The following CEP295 variants were observed in gnomAD, a reference collection of about 807,000 sequenced individuals.
CEP295 encodes the protein centrosomal protein of 295 kDa.
A neutral mutation model predicts 291.6 loss-of-function variants in CEP295; 190 were observed. The observed-to-expected ratio is 0.65, with a 90% CI of 0.58 to 0.73. CEP295 has a LOEUF of 0.73. Ranked by LOEUF, CEP295 falls within the 30% of genes least tolerant of loss-of-function variation. The pLI is 0.00. For synonymous variants in CEP295, 993 were observed against 1,038.8 expected (o/e 0.96, Z 0.85); for missense variants, 2,863 against 2,949.4 (o/e 0.97, Z 0.68).
Position 93,729,771 on chromosome 11 carries a change from A to G in CEP295, c.7557A>G (p.Lys2519=). The G allele has an allele frequency of 6.5e-7, 1 of 1,545,522 alleles. No individual in the cohort carries two copies. The highest frequency in any genetic ancestry group is 8.7e-7 in the Non-Finnish European group (1 of 1,143,826). Residue 2519 remains lysine (K), a synonymous_variant, in exon 27 of 30, where the codon AAA becomes AAG. Transcript: ENST00000325212. The part of the protein sequence containing the change: ...ENSQIKTVKE[K]PSISSSVSRL... The stretch of plus-strand genomic sequence containing the variant: ...CTCAAATCAAAACAGTTAAAGAGAA[A>G]CCATCTATAAGTATGTTGAATTTTT...
In CEP295 at chr11:93,667,707, A is replaced by G. The variant is rs566479150; in HGVS notation, c.209A>G (p.Glu70Gly). 602 of 1,551,512 alleles carry G rather than the reference A, an allele frequency of 3.9e-4. 8 individuals carry two copies. In the South Asian group the frequency reaches 6.7e-3, roughly 17 times the overall value. The stretch of plus-strand genomic sequence containing the variant: ...CGTTTGGCAGAGGAGCTAAGGGCAG[A>G]ATGGGAAGAATCACAAACTCAGAAA... Reference protein sequence around the residue: ...FTRLAEELRAEWEESQTQKIQ... With the variant: ...FTRLAEELRAGWEESQTQKIQ... Residue 70 changes from glutamate to glycine, a missense_variant, in exon 3 of 30, where the codon GAA becomes GGA. Physicochemically the swap from Glu to Gly is moderately conservative, Grantham distance 98. Around this residue, in one of 3 missense-constraint regions of CEP295, gnomAD observed 554 missense variants for 576.0 expected, o/e 0.96. Transcript: ENST00000325212.
chr11:93,726,371 T>C (rs1273838347), intron 23 of CEP295, among the ~76,000 whole-genome samples: 1 of 152,236 alleles, frequency 6.6e-6, no homozygotes, highest in Non-Finnish European at 1.5e-5. Context: ...CGACCTCAGA[T>C]GATCCACTCG....
chr11:93,662,916 G>T (rs1950051433), intron 1 of CEP295, among the ~76,000 whole-genome samples: 1 of 152,156 alleles, frequency 6.6e-6, no homozygotes, highest in South Asian at 2.1e-4. Flanking sequence ...GCACTGAAAA[G>T]GTGCCTAATC....
chr11:93,718,073 G>C (rs927029537), intron 18 of CEP295, among the ~76,000 whole-genome samples: 2 of 151,988 alleles, frequency 1.3e-5, no homozygotes, highest in African/African-American at 4.8e-5. Context: ...CACCCCACCC[G>C]GTTAATTTTT....
chr11:93,681,162 A>G (rs182480948), intron 7 of CEP295, among the ~76,000 whole-genome samples: 23 of 152,064 alleles, frequency 1.5e-4, no homozygotes, highest in Admixed American at 8.5e-4. Context: ...GCCAGGATTT[A>G]TCTGTCTTCT....
chr11:93,662,745 T>A (rs1289298769), intron 1 of CEP295, among the ~76,000 whole-genome samples: 1 of 152,220 alleles, frequency 6.6e-6, no homozygotes, highest in Non-Finnish European at 1.5e-5. Flanking sequence ...GATACTAACG[T>A]CAATGGGCAA....
intron 29 of CEP295, 38 bp from the exon 30 acceptor site, chr11:93,730,193 G>A: frequency 6.4e-7 from 1 of 1,551,268 alleles, no homozygotes; most frequent in Non-Finnish European, 8.7e-7. Flanking sequence ...CAAGCATGAA[G>A]TACACAACTG....
At position 93,702,898 on chromosome 11, in the gene CEP295, A is replaced by AT. The variant is rs1952260872; in HGVS notation, c.5577dup (p.Gly1860TrpfsTer8). ...TATACAAGAAGTAGAGTCACCAGCA[A>AT]TTGGCAGAACTTCTATACTAGGTAA... On this transcript the variant is annotated frameshift_variant, in exon 17 of 30. Transcript: ENST00000325212. LOFTEE classifies it high-confidence loss of function. 1.3e-6 allele frequency: 2 copies of AT among 1,550,858 alleles called. No individual in the cohort carries two copies. Among genetic ancestry groups the AT allele is most frequent in the Non-Finnish European group, 1.7e-6 (2 of 1,146,714 alleles).
intron 12 of CEP295, among the ~76,000 whole-genome samples, chr11:93,693,799 C>G (rs1261931003): frequency 6.6e-6 from 1 of 152,134 alleles, no homozygotes; most frequent in Non-Finnish European, 1.5e-5. Context: ...CATCAATAGT[C>G]TAGAACAGTA....
At position 93,699,888 on chromosome 11, in the gene CEP295, C is replaced by A. The variant is rs1263126451; in HGVS notation, c.4976C>A (p.Pro1659His). Reference sequence around the variant, plus strand: ...ACAGAGCATTCGTTTATTCCACTACCTTTTGCAGAAGCTAAACCTAAAAGC... The same window carrying A: ...ACAGAGCATTCGTTTATTCCACTACATTTTGCAGAAGCTAAACCTAAAAGC... ...KETEHSFIPL[P>H]FAEAKPKSTC... Residue 1659 changes from proline to histidine, a missense_variant, in exon 15 of 30, where the codon CCT becomes CAT. Coordinates refer to ENST00000325212, the MANE Select transcript of CEP295 (RefSeq NM_033395.2). 3.9e-6 allele frequency: 6 copies of A among 1,551,808 alleles called. No individual in the cohort carries two copies. Among genetic ancestry groups the A allele is most frequent in the Non-Finnish European group, 5.2e-6 (6 of 1,147,056 alleles).
Position 93,697,066 on chromosome 11 carries a change from A to T in CEP295, c.2154A>T (p.Thr718=), listed in dbSNP as rs537315886. ...EHLRQFSQTE[T]QQRDYKLVPK... is the part of the protein sequence containing the mutation. ...TAAGGCAATTCTCTCAGACTGAAAC[A>T]CAACAGAGAGACTATAAATTGGTCC... is the stretch of plus-strand genomic sequence containing the variant. The change falls in exon 15 of 30, where the codon ACA becomes ACT. Residue 718 remains threonine (T), a synonymous_variant. Coordinates refer to ENST00000325212, the MANE Select transcript of CEP295 (RefSeq NM_033395.2). The T allele has an allele frequency of 3.2e-6, 5 of 1,551,654 alleles. No homozygotes were observed. Among genetic ancestry groups the T allele is most frequent in the African/African-American group, 2.7e-5 (2 of 73,192 alleles).
chr11:93,681,178 A>T (rs1412997900), intron 7 of CEP295, among the ~76,000 whole-genome samples: 2 of 151,180 alleles, frequency 1.3e-5, no homozygotes, highest in African/African-American at 4.9e-5. Context: ...CTTCTTCACC[A>T]CTCAGCTGTT....
intron 16 of CEP295, 59 bp from the exon 17 acceptor site, chr11:93,702,717 A>C (rs1952248810): frequency 2.6e-6 from 4 of 1,536,682 alleles, no homozygotes; most frequent in Non-Finnish European, 3.5e-6. Context: ...AGTTGAAGAA[A>C]AGTTAGAAGT....
Position 93,698,344 on chromosome 11 carries a change from A to T in CEP295, c.3432A>T (p.Thr1144=). 1 of 1,552,190 alleles carries T rather than the reference A, an allele frequency of 6.4e-7. No individual in the cohort carries two copies. Among genetic ancestry groups the T allele is most frequent in the Non-Finnish European group, 8.7e-7 (1 of 1,147,100 alleles). The change falls in exon 15 of 30, where the codon ACA becomes ACT. Residue 1144 remains threonine, a synonymous_variant. Coordinates refer to ENST00000325212, the MANE Select transcript of CEP295 (RefSeq NM_033395.2). ...CCTCCTGTCATTTGATAATCCCAAC[A>T]TTTCAGGATAAGTCTCTTAGTTTTC... is the stretch of plus-strand genomic sequence containing the variant. ...VGPSCHLIIP[T]FQDKSLSFPQ...
At chr11:93,725,387 T>G (rs1165128219) in intron 22 of CEP295, among the ~76,000 whole-genome samples, 1 of 152,176 alleles carries the variant, frequency 6.6e-6, no homozygotes. Flanking sequence ...GTAAATACAA[T>G]TTTGCAAAAT....
At chr11:93,702,276 A>G (rs1243080901) in intron 15 of CEP295, among the ~76,000 whole-genome samples, 184 bp from the exon 16 acceptor site, 3 of 152,144 alleles carry the variant, frequency 2.0e-5, no homozygotes, top group East Asian at 1.9e-4. Flanking sequence ...TGTATTTTCA[A>G]TGGAAATATC....
chr11:93,680,482 A>G lies in CEP295; in HGVS notation c.765+930A>G, dbSNP rs1950908402. Among the ~76,000 whole-genome samples the G allele has an allele frequency of 2.0e-5, 3 of 152,212 alleles. No homozygotes were observed. In the South Asian group the frequency reaches 6.2e-4, roughly 32 times the overall value. On this transcript the variant is annotated intron_variant, in intron 7 of 29. Coordinates refer to ENST00000325212, the MANE Select transcript of CEP295 (RefSeq NM_033395.2). ...TAGCCAGGCGTGGTGGCCTGGGACTACAGAGTCAATACAGTCAGTCCCAGT... is the reference window on the plus strand; with the variant it reads ...TAGCCAGGCGTGGTGGCCTGGGACTGCAGAGTCAATACAGTCAGTCCCAGT...
At position 93,724,385 on chromosome 11, in the gene CEP295, A is replaced by C; in HGVS notation, c.6318+10A>C. 1 of 1,546,236 alleles carries C rather than the reference A, an allele frequency of 6.5e-7. No individual in the cohort carries two copies. Reference sequence around the variant, plus strand: ...CAGAGACTTTTACCAGGTATATTAAAGTAGATGTCCCATTGCAGTGAATAT... The same window carrying C: ...CAGAGACTTTTACCAGGTATATTAACGTAGATGTCCCATTGCAGTGAATAT... On this transcript the variant is annotated intron_variant, in intron 22 of 29. Transcript: ENST00000325212.
rs914677636 is a variant in CEP295 at position 93,696,395 on chromosome 11, C to T, written c.1747C>T (p.His583Tyr). ...TAGGCAGATGATTCGTAACTATCAA[C>T]ATCAGCTTTTACAACAAAACAGGTA... ...SHRQMIRNYQ[H>Y]QLLQQNRLHR... is the part of the protein sequence containing the mutation. Residue 583 changes from histidine (H) to tyrosine (Y), a missense_variant, in exon 14 of 30, where the codon CAT becomes TAT. Physicochemically the swap from His to Tyr is moderately conservative, Grantham distance 83. Coordinates refer to ENST00000325212, the MANE Select transcript of CEP295 (RefSeq NM_033395.2). 9.0e-6 allele frequency: 14 copies of T among 1,547,146 alleles called. No homozygotes were observed. The African/African-American group carries it at 1.9e-4, about 21-fold the overall frequency.
Sources: allele counts gnomAD v4.1 joint callset (sites outside exome capture counted in the v4.1 genomes callset), GRCh38; gene constraint gnomAD v4.1.1; regional missense constraint gnomAD v4.1.1; transcripts MANE v1.5; gene names NCBI Gene and HGNC (gene_info 2026-07-23, HGNC 2026-07-21).